LRP1B: variants seen among roughly 807,000 people sequenced by gnomAD.
LRP1B encodes LDL receptor related protein 1B.
Under a neutral mutation model 556.6 loss-of-function variants are expected in LRP1B, and 217 were observed. The observed-to-expected ratio is 0.39, with a 90% CI of 0.35 to 0.44. LRP1B has a LOEUF of 0.44. Ranked by LOEUF, LRP1B falls within the 20% of genes least tolerant of loss-of-function variation. The probability of loss-of-function intolerance (pLI) is 1.00; values close to 1 mark genes in which losing one functional copy is unlikely to be tolerated. For synonymous variants in LRP1B, 2,047 were observed against 1,865.8 expected (o/e 1.10, Z -2.50); for missense variants, 5,053 against 5,620.8 (o/e 0.90, Z 3.23).
intron 7 of LRP1B, among the ~76,000 whole-genome samples, chr2:141,179,278 A>C (rs1447069588): frequency 6.6e-6 from 1 of 152,030 alleles, no homozygotes; most frequent in Admixed American, 6.6e-5. Context: ...ATGTGTTGAA[A>C]TTAGATTCCC....
chr2:141,372,429 T>A (rs963519894), intron 3 of LRP1B, among the ~76,000 whole-genome samples: 3 of 152,016 alleles, frequency 2.0e-5, no homozygotes, highest in African/African-American at 7.3e-5. Context: ...CCTCCTTAAT[T>A]TTTTGGAATG....
chr2:141,593,791 A>G (rs1687420167), intron 2 of LRP1B, among the ~76,000 whole-genome samples: 1 of 152,060 alleles, frequency 6.6e-6, no homozygotes, highest in Admixed American at 6.6e-5. Context: ...GTGGAAATAG[A>G]AGAAAACAGT....
chr2:142,038,802 T>G (rs1389045914), intron 1 of LRP1B, among the ~76,000 whole-genome samples: 1 of 151,632 alleles, frequency 6.6e-6, no homozygotes, highest in African/African-American at 2.4e-5. Flanking sequence ...ATCTTTCACT[T>G]AAGCAAGATA....
intron 29 of LRP1B, among the ~76,000 whole-genome samples, chr2:140,843,857 G>T (rs190396615): frequency 6.6e-6 from 1 of 152,186 alleles, no homozygotes; most frequent in East Asian, 1.9e-4. Flanking sequence ...TGTTTTGAGG[G>T]CAGGCTCCTT....
At chr2:141,957,315 G>A (rs182353759) in intron 1 of LRP1B, among the ~76,000 whole-genome samples, 52 of 132,402 alleles carry the variant, frequency 3.9e-4, no homozygotes, top group African/African-American at 1.4e-3. Context: ...TTGAGAAATT[G>A]CAAAAAGGAT....
intron 32 of LRP1B, among the ~76,000 whole-genome samples, chr2:140,779,886 C>T (rs1689638390): frequency 6.6e-6 from 1 of 151,140 alleles, no homozygotes; most frequent in Non-Finnish European, 1.5e-5. Flanking sequence ...GAAAATAAGT[C>T]AAGATAATGA....
intron 7 of LRP1B, among the ~76,000 whole-genome samples, chr2:141,172,574 A>T (rs1020743523): frequency 6.6e-5 from 10 of 152,058 alleles, no homozygotes; most frequent in Admixed American, 4.6e-4. Context: ...CCCATAGATT[A>T]CCGAACAAGT....
In LRP1B at chr2:141,669,038, A is replaced by G. The variant is rs573924751; in HGVS notation, c.205+141241T>C. On this transcript the variant is annotated intron_variant, in intron 2 of 90. Transcript: ENST00000389484. The stretch of plus-strand genomic sequence containing the variant: ...TTTAATATCATAAATGTTCTGAGTT[A>G]GTTTGTGTTCTCCCAAAATTCATAT... Among the ~76,000 whole-genome samples the G allele has an allele frequency of 2.0e-5, 3 of 152,278 alleles. No homozygotes were observed. The South Asian group carries it at 6.2e-4, about 32-fold the overall frequency.
intron 77 of LRP1B, among the ~76,000 whole-genome samples, chr2:140,336,254 G>T (rs1205949341): frequency 6.6e-6 from 1 of 151,820 alleles, no homozygotes; most frequent in Non-Finnish European, 1.5e-5. Flanking sequence ...ACTATGAAAT[G>T]TATCCTTATT....
intron 75 of LRP1B, among the ~76,000 whole-genome samples, chr2:140,355,475 A>G (rs147774485): frequency 2.4e-4 from 36 of 152,146 alleles, no homozygotes; most frequent in African/African-American, 7.7e-4. Flanking sequence ...TGACGTGACT[A>G]CACTTTTTCC....
At chr2:141,549,632 C>T (rs12105718) in intron 2 of LRP1B, among the ~76,000 whole-genome samples, 18 of 152,118 alleles carry the variant, frequency 1.2e-4, no homozygotes, top group South Asian at 1.0e-3. Flanking sequence ...CCAGTGTTTG[C>T]GAATTACAAA....
At chr2:142,118,613 A>G (rs1296231870) in intron 1 of LRP1B, among the ~76,000 whole-genome samples, 1 of 152,164 alleles carries the variant, frequency 6.6e-6, no homozygotes, top group East Asian at 1.9e-4. Context: ...TCCTTATGAA[A>G]GAAAAAAGCC....
chr2:141,215,024 C>A (rs886413119), intron 6 of LRP1B, among the ~76,000 whole-genome samples: 3 of 152,168 alleles, frequency 2.0e-5, no homozygotes, highest in Admixed American at 6.5e-5. Flanking sequence ...TCCACCAAAT[C>A]TCATGTTAAA....
chr2:142,115,674 A>ATATATATATTATATGTAATATATATATGT (rs1707216042), intron 1 of LRP1B, among the ~76,000 whole-genome samples: 1 of 5,678 alleles, frequency 1.8e-4, no homozygotes, highest in African/African-American at 4.8e-4. Flanking sequence ...TATATATGTA[A>ATATATATATTATATGTAATATATATATGT]TATATATATA....
intron 2 of LRP1B, among the ~76,000 whole-genome samples, chr2:141,528,701 AG>A (rs1684776212): frequency 6.6e-6 from 1 of 152,148 alleles, no homozygotes; most frequent in Non-Finnish European, 1.5e-5. Flanking sequence ...AATTAGAACT[AG>A]GGTAAAAATC....
At chr2:142,098,122 C>T (rs1706440725) in intron 1 of LRP1B, among the ~76,000 whole-genome samples, 2 of 151,656 alleles carry the variant, frequency 1.3e-5, no homozygotes, top group African/African-American at 4.8e-5. Context: ...TATTTTTCAG[C>T]CCATATTCCT....
intron 18 of LRP1B, among the ~76,000 whole-genome samples, chr2:140,974,810 C>T (rs1177131392): frequency 6.6e-6 from 1 of 152,196 alleles, no homozygotes; most frequent in Non-Finnish European, 1.5e-5. Context: ...GAGTACTGCA[C>T]AAGTCAACCT....
In LRP1B at chr2:140,276,224, T is replaced by C. The variant is rs189663119; in HGVS notation, c.12968-1626A>G. 7.2e-5 allele frequency among the ~76,000 whole-genome samples: 11 copies of C among 152,110 alleles called. No individual in the cohort carries two copies. The East Asian group carries it at 1.9e-3, about 27-fold the overall frequency. On this transcript the variant is annotated intron_variant, in intron 84 of 90. Coordinates refer to ENST00000389484, the MANE Select transcript of LRP1B (RefSeq NM_018557.3). ...ACATAATTTATAATTCTCATGTTTA[T>C]GTTTATCTAGCCCTTTATTAAATCA...
intron 45 of LRP1B, among the ~76,000 whole-genome samples, chr2:140,538,378 C>T (rs2105009502): frequency 6.6e-6 from 1 of 152,192 alleles, no homozygotes; most frequent in East Asian, 1.9e-4. Flanking sequence ...CACCGTCTTT[C>T]TCTCCCCACT....
Sources: allele counts gnomAD v4.1 joint callset (sites outside exome capture counted in the v4.1 genomes callset), GRCh38; gene constraint gnomAD v4.1.1; transcripts MANE v1.5; gene names NCBI Gene and HGNC (gene_info 2026-07-23, HGNC 2026-07-21).